LETM2: variants seen among roughly 807,000 people sequenced by gnomAD.
The protein encoded by LETM2 is leucine zipper and EF-hand containing transmembrane protein 2.
A neutral mutation model predicts 59.6 loss-of-function variants in LETM2; 58 were observed. The observed-to-expected ratio is 0.97, with a 90% CI of 0.79 to 1.21. LETM2 has a LOEUF of 1.21. Among genes scored for constraint, LETM2 ranks in the 50% most tolerant of loss-of-function variants. LETM2 has a pLI of 0.00. For synonymous variants in LETM2, 199 were observed against 214.1 expected, an observed-to-expected ratio of 0.93 and a Z score of 0.62; for missense variants, 572 against 575.7, an observed-to-expected ratio of 0.99 and a Z score of 0.07.
chr8:38,398,131 T>C (rs570974263), intron 4 of LETM2, among the ~76,000 whole-genome samples: 2 of 144,058 alleles, frequency 1.4e-5, no homozygotes, highest in South Asian at 4.3e-4. Flanking sequence ...CAGAGTGAGA[T>C]TTTTGTCTTA....
intron 7 of LETM2, 95 bp downstream of exon 7, chr8:38,402,739 G>T: frequency 1.5e-6 from 2 of 1,327,714 alleles, no homozygotes; most frequent in Non-Finnish European, 2.1e-6. Flanking sequence ...CAAGTGAACC[G>T]TCTTACTTAA....
intron 4 of LETM2, chr8:38,397,247 G>A: frequency 2.3e-6 from 1 of 431,254 alleles, no homozygotes; most frequent in South Asian, 1.6e-5. Flanking sequence ...CACAATCTTG[G>A]CTCACTGCAA....
Position 38,387,952 on chromosome 8 carries a change from C to G in LETM2, c.-32C>G. 7.6e-7 allele frequency: 1 copy of G among 1,320,718 alleles called. No homozygotes were observed. Among genetic ancestry groups the G allele is most frequent in the Middle Eastern group, 1.8e-4 (1 of 5,524 alleles). The allele number at this position is 1,320,718 out of a possible 1,614,324, so 81.8% of individuals were successfully genotyped here. ...GTTTACTTACTCCTTTTGCCTAGGT[C>G]CCTATGTTAACTACTTGAGACAAAA... is the stretch of plus-strand genomic sequence containing the variant. On this transcript the variant is annotated splice_region_variant and 5_prime_UTR_variant, in exon 2 of 11. Coordinates refer to ENST00000379957, the MANE Select transcript of LETM2 (RefSeq NM_001286819.2).
At chr8:38,389,586 A>G (rs1341750436) in intron 2 of LETM2, among the ~76,000 whole-genome samples, 1 of 152,104 alleles carries the variant, frequency 6.6e-6, no homozygotes, top group African/African-American at 2.4e-5. Flanking sequence ...TTGGCCATTC[A>G]AAGAGCGTTT....
rs779116752 is a variant in LETM2 at position 38,400,374 on chromosome 8, G to A, written c.748G>A (p.Asp250Asn). Residue 250 changes from aspartate (D) to asparagine (N), a missense_variant, in exon 5 of 11, where the codon GAT becomes AAT. Transcript: ENST00000379957. ...MARRNRAKMG[D>N]ASTQLSSYVK... ...AAGGAGGAACAGAGCCAAGATGGGC[G>A]ATGCCTCTACACAGCTCTCATCCTA... The A allele has an allele frequency of 5.6e-6, 9 of 1,613,010 alleles. No individual in the cohort carries two copies. Among genetic ancestry groups the A allele is most frequent in the South Asian group, 1.1e-5 (1 of 90,756 alleles).
At chr8:38,405,369 C>T (rs1187993514) in intron 8 of LETM2, among the ~76,000 whole-genome samples, 1 of 152,132 alleles carries the variant, frequency 6.6e-6, no homozygotes, top group Non-Finnish European at 1.5e-5. Flanking sequence ...CTGGTGGCTT[C>T]CTGTCTGACT....
In LETM2 at chr8:38,400,429, T is replaced by C; in HGVS notation, c.783+20T>C. 1.3e-6 allele frequency: 2 copies of C among 1,548,120 alleles called. No homozygotes were observed. Among genetic ancestry groups the C allele is most frequent in the Non-Finnish European group, 1.7e-6 (2 of 1,149,844 alleles). ...AAGCAGGTGTCCATCTTTTATGTAA[T>C]GCCGAACAACTTCGGGGCTGGGCGT... On this transcript the variant is annotated intron_variant, in intron 5 of 10. Transcript: ENST00000379957.
intron 6 of LETM2, 95 bp downstream of exon 6, chr8:38,401,148 GT>G (rs1328448134): frequency 1.3e-5 from 14 of 1,044,066 alleles, no homozygotes; most frequent in Non-Finnish European, 2.0e-5. Context: ...TTTTGTTTTT[GT>G]TTTTGTTTTT....
chr8:38,394,027 G>C, intron 3 of LETM2, 71 bp from the exon 4 acceptor site: 1 of 1,235,466 alleles, frequency 8.1e-7, no homozygotes, highest in East Asian at 2.9e-5. Flanking sequence ...GGTTTTTTTG[G>C]TTTTGTTTTT....
chr8:38,388,943 T>C (rs987902007), intron 2 of LETM2, among the ~76,000 whole-genome samples: 4 of 151,750 alleles, frequency 2.6e-5, no homozygotes, highest in Non-Finnish European at 4.4e-5. Context: ...TTTTTGTATT[T>C]TTAGTACAGA....
At chr8:38,387,228 G>A (rs1811844729) in intron 1 of LETM2, 1 of 152,262 alleles carries the variant, frequency 6.6e-6, no homozygotes, top group Non-Finnish European at 1.5e-5. Context: ...TCAGCTCTGT[G>A]GCTAAGGTTT....
Position 38,402,643 on chromosome 8 carries a change from A to G in LETM2, c.1103A>G (p.Glu368Gly). The G allele has an allele frequency of 6.2e-7, 1 of 1,614,044 alleles. No individual in the cohort carries two copies. The change falls in exon 7 of 11, where the codon GAG becomes GGG. Residue 368 changes from glutamate to glycine, a missense_variant and splice_region_variant. Coordinates refer to ENST00000379957, the MANE Select transcript of LETM2 (RefSeq NM_001286819.2). ...GAACAACTGCGACAACAGCTCACGG[A>G]GGCAAGTAGCAGCGCCCCTCTGGGG... Reference protein sequence around the residue: ...TEEQLRQQLTEWQDLHLKENV... With the variant: ...TEEQLRQQLTGWQDLHLKENV...
chr8:38,404,285 AAAGGGCGGGGGCGGTGGG>A, intron 7 of LETM2, 90 bp from the exon 8 acceptor site: 1 of 748,784 alleles, frequency 1.3e-6, no homozygotes, highest in Non-Finnish European at 2.3e-6. Flanking sequence ...GGCTTGGCGG[AAAGGGCGGGGGCGGTGGG>A]AAGCTGTCAG....
chr8:38,392,726 C>T lies in LETM2; in HGVS notation c.232C>T (p.His78Tyr). 4 of 1,614,206 alleles carry T rather than the reference C, an allele frequency of 2.5e-6. No individual in the cohort carries two copies. The highest frequency in any genetic ancestry group is 3.4e-6 in the Non-Finnish European group (4 of 1,180,034). The change falls in exon 3 of 11, where the codon CAC becomes TAC. Residue 78 changes from histidine (H) to tyrosine (Y), a missense_variant. Coordinates refer to ENST00000379957, the MANE Select transcript of LETM2 (RefSeq NM_001286819.2). ...HPGTRLIQKLHTSTCWLQEVP... is the reference protein window; with the variant it reads ...HPGTRLIQKLYTSTCWLQEVP... ...AGGAACTAGACTAATACAAAAGCTA[C>T]ACACATCCACTTGCTGGCTGCAAGA...
chr8:38,406,679 T>C (rs916827335), intron 8 of LETM2: 7 of 345,762 alleles, frequency 2.0e-5, no homozygotes, highest in South Asian at 8.7e-5. Flanking sequence ...GTGCCATCAG[T>C]GGATTGCTAA....
intron 4 of LETM2, among the ~76,000 whole-genome samples, chr8:38,396,578 C>G (rs114920760): frequency 6.6e-6 from 1 of 152,076 alleles, no homozygotes; most frequent in Non-Finnish European, 1.5e-5. Flanking sequence ...CTCTTCTCCA[C>G]TAAATTCTAA....
chr8:38,407,314 A>G lies in LETM2; in HGVS notation c.1312-48A>G, dbSNP rs753752560. 5.3e-6 allele frequency: 7 copies of G among 1,321,434 alleles called. No homozygotes were observed. In the South Asian group the frequency reaches 5.9e-5, roughly 11 times the overall value. The allele number at this position is 1,321,434 out of a possible 1,614,324, so 81.9% of individuals were successfully genotyped here. On this transcript the variant is annotated intron_variant, in intron 9 of 10. Coordinates refer to ENST00000379957, the MANE Select transcript of LETM2 (RefSeq NM_001286819.2). ...AAGGTAGTGGACTGTAGATTAATAC[A>G]CATTTTCTTTTAAATCAGTAACCCA...
At chr8:38,391,515 A>G (rs1432717215) in intron 2 of LETM2, among the ~76,000 whole-genome samples, 2 of 151,060 alleles carry the variant, frequency 1.3e-5, no homozygotes, top group Non-Finnish European at 3.0e-5. Context: ...GTTGGCCAGG[A>G]TGGTCTCGAT....
chr8:38,403,330 G>A (rs1813405106), intron 7 of LETM2, among the ~76,000 whole-genome samples: 1 of 152,228 alleles, frequency 6.6e-6, no homozygotes, highest in Non-Finnish European at 1.5e-5. Context: ...GGTATTGCAG[G>A]GACAAGGTGT....
Sources: allele counts gnomAD v4.1 joint callset (sites outside exome capture counted in the v4.1 genomes callset), GRCh38; gene constraint gnomAD v4.1.1; transcripts MANE v1.5; gene names NCBI Gene and HGNC (gene_info 2026-07-23, HGNC 2026-07-21).